The following PCDHGB6 variants were observed in gnomAD, a reference collection of about 807,000 sequenced individuals.
PCDHGB6 encodes the protein protocadherin gamma subfamily B, 6.
A neutral mutation model predicts 59.1 loss-of-function variants in PCDHGB6; 51 were observed. That is an observed-to-expected ratio of 0.86 (90% CI 0.69 to 1.09). The LOEUF (loss-of-function observed/expected upper bound fraction) is 1.09, where lower values mean the gene tolerates loss of function less well. Ranked by LOEUF, PCDHGB6 falls within the 50% of genes least tolerant of loss-of-function variation. PCDHGB6 has a pLI of 0.00. For missense variants in PCDHGB6, 1,148 were observed against 1,205.1 expected (o/e 0.95, Z 0.70); for synonymous variants, 466 against 495.1 (o/e 0.94, Z 0.78).
At chr5:141,410,746 C>T in intron 1 of PCDHGB6, 126 bp downstream of exon 1, 1 of 1,269,920 alleles carries the variant, frequency 7.9e-7, no homozygotes, top group Non-Finnish European at 1.1e-6. Flanking sequence ...ACAATATTTT[C>T]TCAATGTTTT....
chr5:141,410,063 C>A lies in PCDHGB6; in HGVS notation c.1861C>A (p.Leu621Met). 1.9e-6 allele frequency: 3 copies of A among 1,612,972 alleles called. No homozygotes were observed. The South Asian group carries it at 3.3e-5, about 18-fold the overall frequency. Residue 621 changes from leucine (L) to methionine (M), a missense_variant, in exon 1 of 4, where the codon CTG becomes ATG. Physicochemically the swap from Leu to Met is conservative, Grantham distance 15. Around this residue, in one of 5 missense-constraint regions of PCDHGB6, gnomAD observed 549 missense variants for 527.5 expected, o/e 1.04. Coordinates refer to ENST00000520790, the MANE Select transcript of PCDHGB6 (RefSeq NM_018926.3). ...ASEPGLFSLG[L>M]RTGEVRTARA... ...TGAGCCCGGACTCTTCAGCCTGGGG[C>A]TGCGCACTGGGGAGGTGCGCACGGC...
chr5:141,460,766 A>G (rs1370331016), intron 1 of PCDHGB6, among the ~76,000 whole-genome samples: 1 of 152,056 alleles, frequency 6.6e-6, no homozygotes, highest in Non-Finnish European at 1.5e-5. Flanking sequence ...TACATATTGC[A>G]TATGTATGTA....
intron 3 of PCDHGB6, among the ~76,000 whole-genome samples, chr5:141,506,146 T>C (rs1014881418): frequency 6.6e-6 from 1 of 152,086 alleles, no homozygotes; most frequent in African/African-American, 2.4e-5. Context: ...AAGAATATCA[T>C]TTGTCCTTAA....
chr5:141,446,075 A>G (rs907731619), intron 1 of PCDHGB6, among the ~76,000 whole-genome samples: 1 of 152,216 alleles, frequency 6.6e-6, no homozygotes, highest in Admixed American at 6.5e-5. Context: ...GAGGCAGTGG[A>G]TGTAGAAATA....
At chr5:141,416,405 T>C (rs948190812) in intron 1 of PCDHGB6, 1 of 152,200 alleles carries the variant, frequency 6.6e-6, no homozygotes, top group Non-Finnish European at 1.5e-5. Context: ...TTTGTCTTTT[T>C]TGTTAAATTT....
chr5:141,438,617 TATATATATATATATATATACACAC>T (rs1311176771), intron 1 of PCDHGB6, among the ~76,000 whole-genome samples: 58 of 37,154 alleles, frequency 1.6e-3, no homozygotes, highest in African/African-American at 7.8e-3. Flanking sequence ...TATATATATA[TATATATATATATATATATACACAC>T]ACACACACAC....
intron 1 of PCDHGB6, chr5:141,430,541 C>T: frequency 2.5e-6 from 1 of 392,344 alleles, no homozygotes; most frequent in Non-Finnish European, 4.5e-6. Flanking sequence ...ACTCTGAGCG[C>T]CGCTGTTCAC....
In PCDHGB6 at chr5:141,476,352, T is replaced by C. The variant is rs2099389565; in HGVS notation, c.2419-18455T>C. The C allele has an allele frequency of 1.2e-6, 2 of 1,613,826 alleles. No individual in the cohort carries two copies. Among genetic ancestry groups the C allele is most frequent in the African/African-American group, 1.3e-5 (1 of 74,852 alleles). On this transcript the variant is annotated intron_variant, in intron 1 of 3. Transcript: ENST00000520790. The surrounding 1 kb of genome is among the most constrained non-coding windows in gnomAD (Gnocchi z 7.6). ...GGAGCTAGCCGAAGATTCTTTGAGG[T>C]GAACCGGGAGACCGGAGAGATGTTT...
At chr5:141,419,991 T>C (rs1192003266) in intron 1 of PCDHGB6, 1 of 1,614,078 alleles carries the variant, frequency 6.2e-7, no homozygotes. Context: ...ATTCTAGCTA[T>C]TGCTCTACGC....
intron 1 of PCDHGB6, among the ~76,000 whole-genome samples, chr5:141,473,946 G>A (rs1399816546): frequency 6.6e-6 from 1 of 152,170 alleles, no homozygotes; most frequent in African/African-American, 2.4e-5. Context: ...GCTCAGGCCT[G>A]TAGTCCCATC....
In PCDHGB6 at chr5:141,491,893, G is replaced by A; in HGVS notation, c.2419-2914G>A. The stretch of plus-strand genomic sequence containing the variant: ...GGCCGATTAAGGGATGGGGCTCCGA[G>A]CACCGGGGGTGGTGGCGACTGTGGG... On this transcript the variant is annotated intron_variant, in intron 1 of 3. Transcript: ENST00000520790. This position sits in a 1 kb window ranked among gnomAD's most constrained non-coding sequence, Gnocchi z 6.9. 9 of 1,438,856 alleles carry A rather than the reference G, an allele frequency of 6.3e-6. No individual in the cohort carries two copies. Among genetic ancestry groups the A allele is most frequent in the Non-Finnish European group, 8.3e-6 (9 of 1,088,104 alleles). 89.1% of individuals were successfully genotyped at this position (1,438,856 alleles called of 1,614,324 possible). A position where few individuals can be genotyped will look rare whatever the true frequency, so the allele number is the denominator to read the frequency against.
Position 141,476,129 on chromosome 5 carries a change from G to T in PCDHGB6, c.2419-18678G>T, listed in dbSNP as rs2099385585. 6.2e-7 allele frequency: 1 copy of T among 1,606,848 alleles called. No homozygotes were observed. The highest frequency in any genetic ancestry group is 1.3e-5 in the African/African-American group (1 of 75,000). On this transcript the variant is annotated intron_variant, in intron 1 of 3. Transcript: ENST00000520790. The surrounding 1 kb of genome is among the most constrained non-coding windows in gnomAD (Gnocchi z 7.6). ...GCTTTTGAGTGAGATGGTCCCAGAG[G>T]CCTGGAGGAGCGGACTGGTAAGCAC...
intron 1 of PCDHGB6, among the ~76,000 whole-genome samples, chr5:141,434,530 A>G (rs1241680580): frequency 6.6e-6 from 1 of 152,226 alleles, no homozygotes; most frequent in African/African-American, 2.4e-5. Flanking sequence ...CTTAAACCAC[A>G]AACAATAGCA....
At chr5:141,425,491 C>G (rs1243033082) in intron 1 of PCDHGB6, among the ~76,000 whole-genome samples, 1 of 152,200 alleles carries the variant, frequency 6.6e-6, no homozygotes, top group Non-Finnish European at 1.5e-5. Context: ...ACCTACTAGG[C>G]TATACCTTTA....
At chr5:141,467,643 C>G (rs2099147861) in intron 1 of PCDHGB6, among the ~76,000 whole-genome samples, 1 of 152,112 alleles carries the variant, frequency 6.6e-6, no homozygotes, top group Non-Finnish European at 1.5e-5. Flanking sequence ...TTATCATGTA[C>G]CAAACTTCTA....
At chr5:141,482,570 C>A (rs2099568543) in intron 1 of PCDHGB6, among the ~76,000 whole-genome samples, 1 of 144,954 alleles carries the variant, frequency 6.9e-6, no homozygotes, top group African/African-American at 2.6e-5. Context: ...ATCTGCATAG[C>A]ATAAGATGCA....
rs202113404 is a variant in PCDHGB6, at chr5:141,414,779, A to G, written c.2418+4159A>G. The G allele has an allele frequency of 4.2e-4, 674 of 1,614,210 alleles. No homozygotes were observed. Among genetic ancestry groups the G allele is most frequent in the Admixed American group, 6.0e-4 (36 of 60,022 alleles). On this transcript the variant is annotated intron_variant, in intron 1 of 3. Transcript: ENST00000520790. ...GAGCAGTTTCATGAGCTACAGATGCAGGTGACAGCCAGCGACAGCGGGGAT... is the reference window on the plus strand; with the variant it reads ...GAGCAGTTTCATGAGCTACAGATGCGGGTGACAGCCAGCGACAGCGGGGAT...
rs376996144 is a variant in PCDHGB6, at chr5:141,491,534, G to C, written c.2419-3273G>C. 3.7e-6 allele frequency: 6 copies of C among 1,613,912 alleles called. No homozygotes were observed. The highest frequency in any genetic ancestry group is 1.3e-5 in the African/African-American group (1 of 74,928). ...CTCAAGTACATGGAGGTGACGCTGC[G>C]GCCCACAGACTCGCAGAGCCACTGC... On this transcript the variant is annotated intron_variant, in intron 1 of 3. Coordinates refer to ENST00000520790, the MANE Select transcript of PCDHGB6 (RefSeq NM_018926.3). This position sits in a 1 kb window ranked among gnomAD's most constrained non-coding sequence, Gnocchi z 6.9.
intron 3 of PCDHGB6, among the ~76,000 whole-genome samples, chr5:141,510,227 C>T (rs1010123412): frequency 1.3e-5 from 2 of 150,454 alleles, no homozygotes; most frequent in African/African-American, 2.5e-5. Context: ...GAGCCGGGAT[C>T]GCGCCACTGC....
Sources: allele counts gnomAD v4.1 joint callset (sites outside exome capture counted in the v4.1 genomes callset), GRCh38; gene constraint gnomAD v4.1.1; regional missense constraint gnomAD v4.1.1; non-coding constraint Gnocchi (gnomAD v3.1); transcripts MANE v1.5; gene names NCBI Gene and HGNC (gene_info 2026-07-23, HGNC 2026-07-21).